Variants in PRDM16 observed in about 807,000 individuals in gnomAD.
PRDM16 encodes PR/SET domain 16.
Under a neutral mutation model 110.6 loss-of-function variants are expected in PRDM16, and 23 were observed. The observed-to-expected ratio is 0.21, with a 90% CI of 0.15 to 0.29. PRDM16 has a LOEUF of 0.29. Ranked by LOEUF, PRDM16 falls within the 10% of genes least tolerant of loss-of-function variation. PRDM16 has a pLI of 1.00. For synonymous variants in PRDM16, 799 were observed against 781.8 expected, an observed-to-expected ratio of 1.02 and a Z score of -0.37; for missense variants, 1,615 against 1,794.3, an observed-to-expected ratio of 0.90 and a Z score of 1.81.
intron 8 of PRDM16, among the ~76,000 whole-genome samples, chr1:3,409,931 ATG>A (rs1329943666): frequency 3.9e-4 from 30 of 77,192 alleles, no homozygotes; most frequent in Middle Eastern, 0.024. Flanking sequence ...GTGTATGTGC[ATG>A]TGTGTGGTGT....
chr1:3,417,954 T>C lies in PRDM16; in HGVS notation c.2818T>C (p.Ser940Pro). The C allele has an allele frequency of 6.3e-7, 1 of 1,576,118 alleles. No homozygotes were observed. Among genetic ancestry groups the C allele is most frequent in the Non-Finnish European group, 8.6e-7 (1 of 1,157,116 alleles). ...CTTCCGGTCCCCACCCCCAACGCTC[T>C]CCGACCCCATCCTCAGGAAGGGCAA... Reference protein sequence around the residue: ...FNFRSPPPTLSDPILRKGKER... With the variant: ...FNFRSPPPTLPDPILRKGKER... The change falls in exon 11 of 17, where the codon TCC becomes CCC. Residue 940 changes from serine (S) to proline (P), a missense_variant. By Grantham distance (74) the Ser-to-Pro change is moderately conservative. Coordinates refer to ENST00000270722, the MANE Select transcript of PRDM16 (RefSeq NM_022114.4).
Position 3,091,390 on chromosome 1 carries a change from C to T in PRDM16, c.37+22094C>T, listed in dbSNP as rs1642273445. Among the ~76,000 whole-genome samples the T allele has an allele frequency of 3.3e-5, 5 of 152,196 alleles. No individual in the cohort carries two copies. The South Asian group carries it at 1.0e-3, about 32-fold the overall frequency. Reference sequence around the variant, plus strand: ...ACCGAGACGACAGCATCTCTTTCATCTTCCAAGGCCCATCTTCCTGGCAAG... The same window carrying T: ...ACCGAGACGACAGCATCTCTTTCATTTTCCAAGGCCCATCTTCCTGGCAAG... On this transcript the variant is annotated intron_variant, in intron 1 of 16. Transcript: ENST00000270722.
At chr1:3,139,214 G>A (rs1471495264) in intron 1 of PRDM16, among the ~76,000 whole-genome samples, 1 of 152,186 alleles carries the variant, frequency 6.6e-6, no homozygotes, top group Non-Finnish European at 1.5e-5. Flanking sequence ...TCCACTTGGT[G>A]CCACCGGGCC....
At position 3,213,602 on chromosome 1, in the gene PRDM16, A is replaced by G. The variant is rs545046618; in HGVS notation, c.387+27128A>G. Among the ~76,000 whole-genome samples, 3 of 152,272 alleles carry G rather than the reference A, an allele frequency of 2.0e-5. No homozygotes were observed. The East Asian group carries it at 5.8e-4, about 29-fold the overall frequency. The stretch of plus-strand genomic sequence containing the variant: ...ACTCTTTCTCCGAGGAACAGGAGCA[A>G]GTGCGGCATTCTGGAGGGAGGTGGC... On this transcript the variant is annotated intron_variant, in intron 2 of 16. Coordinates refer to ENST00000270722, the MANE Select transcript of PRDM16 (RefSeq NM_022114.4). The surrounding 1 kb of genome is among the most constrained non-coding windows in gnomAD (Gnocchi z 5.3).
At chr1:3,138,490 T>G (rs1293737456) in intron 1 of PRDM16, among the ~76,000 whole-genome samples, 1 of 152,196 alleles carries the variant, frequency 6.6e-6, no homozygotes, top group Non-Finnish European at 1.5e-5. Flanking sequence ...TTTCCTGTGC[T>G]TATGAGTGAA....
At chr1:3,171,667 G>C (rs917304274) in intron 1 of PRDM16, among the ~76,000 whole-genome samples, 5 of 152,202 alleles carry the variant, frequency 3.3e-5, no homozygotes, top group Non-Finnish European at 1.5e-5. Flanking sequence ...CCTCGGGCTG[G>C]CAAGCCCAGG....
chr1:3,243,430 C>T lies in PRDM16; in HGVS notation c.388-657C>T, dbSNP rs940457320. ...TGGCATGAGCTCCCTCTCCCTCCAG[C>T]ACCCACCAAGCCACCCTTCCGCAGG... On this transcript the variant is annotated intron_variant, in intron 2 of 16. Transcript: ENST00000270722. The surrounding 1 kb of genome is among the most constrained non-coding windows in gnomAD (Gnocchi z 5.5). 6.6e-6 allele frequency among the ~76,000 whole-genome samples: 1 copy of T among 152,006 alleles called. No homozygotes were observed. The highest frequency in any genetic ancestry group is 1.9e-4 in the East Asian group (1 of 5,180).
chr1:3,081,390 G>A lies in PRDM16; in HGVS notation c.37+12094G>A, dbSNP rs372230373. 7.2e-4 allele frequency among the ~76,000 whole-genome samples: 110 copies of A among 152,318 alleles called. No homozygotes were observed. The highest frequency in any genetic ancestry group is 2.5e-3 in the African/African-American group (105 of 41,582). ...CGAGGGGCTGGTGGCCACGGTGGGC[G>A]TGAGAGGCCCATTCCTGCAGCCTGG... On this transcript the variant is annotated intron_variant, in intron 1 of 16. Transcript: ENST00000270722. The surrounding 1 kb of genome is among the most constrained non-coding windows in gnomAD (Gnocchi z 4.6).
chr1:3,123,368 C>T (rs1273218757), intron 1 of PRDM16, among the ~76,000 whole-genome samples: 1 of 152,238 alleles, frequency 6.6e-6, no homozygotes, highest in East Asian at 1.9e-4. Context: ...AATTTATCAA[C>T]CCCCAAGTGT....
chr1:3,252,590 G>C (rs1259367476), intron 3 of PRDM16, among the ~76,000 whole-genome samples: 2 of 152,184 alleles, frequency 1.3e-5, no homozygotes, highest in East Asian at 1.9e-4. Context: ...CCTGCTGTTA[G>C]AGAAAGCGCC....
At chr1:3,367,530 TG>T (rs1642837561) in intron 3 of PRDM16, among the ~76,000 whole-genome samples, 1 of 152,186 alleles carries the variant, frequency 6.6e-6, no homozygotes. Flanking sequence ...AAATGGCTTT[TG>T]GGGAGTGGCT....
intron 2 of PRDM16, among the ~76,000 whole-genome samples, chr1:3,235,538 G>A (rs936713946): frequency 7.9e-5 from 12 of 152,126 alleles, no homozygotes; most frequent in Middle Eastern, 3.2e-3. Context: ...CGCTCGCCCC[G>A]CTGCCTGGCA....
At chr1:3,426,422 T>G (rs1638609191) in intron 14 of PRDM16, among the ~76,000 whole-genome samples, 197 bp downstream of exon 14, 1 of 151,674 alleles carries the variant, frequency 6.6e-6, no homozygotes, top group African/African-American at 2.4e-5. Context: ...CCTCAGTTCC[T>G]CCACCTGGAG....
intron 1 of PRDM16, among the ~76,000 whole-genome samples, chr1:3,154,849 G>A (rs1430268976): frequency 6.6e-6 from 1 of 152,182 alleles, no homozygotes; most frequent in East Asian, 1.9e-4. Flanking sequence ...CATAAGGAGG[G>A]GGATCATCAG....
chr1:3,186,492 A>G lies in PRDM16; in HGVS notation c.387+18A>G. 1 of 1,402,294 alleles carries G rather than the reference A, an allele frequency of 7.1e-7. No homozygotes were observed. The highest frequency in any genetic ancestry group is 9.7e-7 in the Non-Finnish European group (1 of 1,035,118). The allele number at this position is 1,402,294 out of a possible 1,614,324, so 86.9% of individuals were successfully genotyped here. A position where few individuals can be genotyped will look rare whatever the true frequency, so the allele number is the denominator to read the frequency against. On this transcript the variant is annotated intron_variant, in intron 2 of 16. Coordinates refer to ENST00000270722, the MANE Select transcript of PRDM16 (RefSeq NM_022114.4). ...GATGGGAGGTGAGCGATCGCGCCTGAGTATGATTGATCACGGCCATTTATC... is the reference window on the plus strand; with the variant it reads ...GATGGGAGGTGAGCGATCGCGCCTGGGTATGATTGATCACGGCCATTTATC...
rs1037936429 is a variant in PRDM16, at chr1:3,390,597, C to T, written c.573+5311C>T. 2.6e-5 allele frequency among the ~76,000 whole-genome samples: 4 copies of T among 152,152 alleles called. No individual in the cohort carries two copies. The highest frequency in any genetic ancestry group is 2.1e-4 in the South Asian group (1 of 4,812). ...GTGGCCGCCGGTGGCCAGGCAGCAC[C>T]GCGTGGACAAGAGCCCGCGCGGGTT... is the stretch of plus-strand genomic sequence containing the variant. On this transcript the variant is annotated intron_variant, in intron 4 of 16. Coordinates refer to ENST00000270722, the MANE Select transcript of PRDM16 (RefSeq NM_022114.4). This position sits in a 1 kb window ranked among gnomAD's most constrained non-coding sequence, Gnocchi z 5.0.
chr1:3,181,353 TAC>T (rs199730922), intron 1 of PRDM16, among the ~76,000 whole-genome samples: 6 of 14,394 alleles, frequency 4.2e-4, no homozygotes, highest in Non-Finnish European at 1.1e-3. Context: ...CACACGGTCT[TAC>T]ACACGGTCTT....
intron 3 of PRDM16, among the ~76,000 whole-genome samples, chr1:3,349,705 C>T (rs1030861725): frequency 1.1e-4 from 16 of 152,132 alleles, no homozygotes; most frequent in African/African-American, 2.9e-4. Context: ...CCAATGCACC[C>T]CGGCTTCCTG....
At chr1:3,363,968 C>T (rs1292863637) in intron 3 of PRDM16, among the ~76,000 whole-genome samples, 2 of 152,158 alleles carry the variant, frequency 1.3e-5, no homozygotes, top group African/African-American at 2.4e-5. Context: ...CAGCGCCCCC[C>T]GCCCCCCGAG....
Sources: gnomAD v4.1 joint callset for allele counts (sites outside exome capture counted in the v4.1 genomes callset) on GRCh38, gnomAD v4.1.1 for gene constraint, Gnocchi (gnomAD v3.1) non-coding constraint, MANE v1.5 for transcripts, NCBI Gene and HGNC (gene_info 2026-07-23, HGNC 2026-07-21) for gene names.